Variants in SDK2 observed in about 807,000 individuals in gnomAD.
The protein encoded by SDK2 is protein sidekick-2.
A neutral mutation model predicts 253.9 loss-of-function variants in SDK2; 105 were observed. The observed-to-expected ratio is 0.41, with a 90% CI of 0.35 to 0.49. The LOEUF is 0.49. SDK2 is among the 20% of genes least tolerant of loss of function. The pLI, the probability that SDK2 is intolerant of heterozygous loss-of-function variation, is 0.06. For missense variants in SDK2, 2,608 were observed against 3,003.0 expected (o/e 0.87, Z 3.07); for synonymous variants, 1,249 against 1,234.9 (o/e 1.01, Z -0.24).
chr17:73,619,220 G>A (rs201905103), intron 1 of SDK2, among the ~76,000 whole-genome samples: 3 of 151,458 alleles, frequency 2.0e-5, no homozygotes, highest in Non-Finnish European at 4.4e-5. Context: ...GAACCAAAGT[G>A]GGCAGACACC....
At chr17:73,350,951 T>G (rs774203026) in intron 41 of SDK2, among the ~76,000 whole-genome samples, 161 bp from the exon 42 acceptor site, 3 of 152,162 alleles carry the variant, frequency 2.0e-5, no homozygotes, top group Non-Finnish European at 4.4e-5. Context: ...TCACCTCAAG[T>G]ATCCGCTCTG....
intron 1 of SDK2, among the ~76,000 whole-genome samples, chr17:73,598,939 A>C (rs1275438979): frequency 1.3e-5 from 2 of 152,262 alleles, no homozygotes; most frequent in African/African-American, 4.8e-5. Flanking sequence ...TTTTTCTTCA[A>C]GTAGTGGAAC....
At position 73,467,766 on chromosome 17, in the gene SDK2, C is replaced by T. The variant is rs2063612885; in HGVS notation, c.331+4346G>A. On this transcript the variant is annotated intron_variant, in intron 3 of 44. Coordinates refer to ENST00000392650, the MANE Select transcript of SDK2 (RefSeq NM_001144952.2). The surrounding 1 kb of genome is among the most constrained non-coding windows in gnomAD (Gnocchi z 4.1). ...CTTTTCTAACTTCCTGGCTTTAGGG[C>T]CCAAAGGGCTGTGGACTGTGGTTAC... Among the ~76,000 whole-genome samples the T allele has an allele frequency of 6.6e-6, 1 of 152,160 alleles. No homozygotes were observed. Among genetic ancestry groups the T allele is most frequent in the Non-Finnish European group, 1.5e-5 (1 of 68,032 alleles).
intron 17 of SDK2, among the ~76,000 whole-genome samples, 200 bp downstream of exon 17, chr17:73,415,611 A>G (rs2063173835): frequency 1.3e-5 from 2 of 152,064 alleles, no homozygotes; most frequent in Admixed American, 6.6e-5. Context: ...CCTCCTGAGT[A>G]GCTGTGCCAC....
In SDK2 at chr17:73,374,320, G is replaced by A. The variant is rs941942411; in HGVS notation, c.4980+4857C>T. ...GTCTCCCCTCGAATGTCCAACAGAC[G>A]TCTCAAACCAAACACATCTGGAACC... On this transcript the variant is annotated intron_variant, in intron 36 of 44. Coordinates refer to ENST00000392650, the MANE Select transcript of SDK2 (RefSeq NM_001144952.2). 2.8e-5 allele frequency among the ~76,000 whole-genome samples: 4 copies of A among 143,608 alleles called. 1 individual carries two copies. The highest frequency in any genetic ancestry group is 7.0e-5 in the Admixed American group (1 of 14,300). 94.2% of individuals were successfully genotyped at this position (143,608 alleles called of 152,430 possible).
At chr17:73,359,094 C>G (rs906891534) in intron 39 of SDK2, among the ~76,000 whole-genome samples, 4 of 152,100 alleles carry the variant, frequency 2.6e-5, no homozygotes, top group African/African-American at 9.7e-5. Flanking sequence ...AGGTGGGGCT[C>G]TGTACCCCCA....
At chr17:73,512,230 A>C (rs548577433) in intron 1 of SDK2, among the ~76,000 whole-genome samples, 29 of 152,292 alleles carry the variant, frequency 1.9e-4, no homozygotes, top group African/African-American at 6.3e-4. Flanking sequence ...TAAATACATT[A>C]ATAAATATAT....
At chr17:73,617,807 C>T (rs2046080642) in intron 1 of SDK2, among the ~76,000 whole-genome samples, 1 of 152,192 alleles carries the variant, frequency 6.6e-6, no homozygotes, top group African/African-American at 2.4e-5. Flanking sequence ...AACAGGACAT[C>T]ATAAGAGGGA....
At position 73,395,454 on chromosome 17, in the gene SDK2, A is replaced by C; in HGVS notation, c.3355-62T>G. 3 of 1,377,740 alleles carry C rather than the reference A, an allele frequency of 2.2e-6. No individual in the cohort carries two copies. Among genetic ancestry groups the C allele is most frequent in the Non-Finnish European group, 3.1e-6 (3 of 973,056 alleles). The allele number at this position is 1,377,740 out of a possible 1,614,324, so 85.3% of individuals were successfully genotyped here. ...CAGGCCCCCCACTGTGCAGGGAGGA[A>C]CTGCCCTGCTACCCTCTCCTCCAGG... is the stretch of plus-strand genomic sequence containing the variant. On this transcript the variant is annotated intron_variant, in intron 24 of 44. Transcript: ENST00000392650. This position sits in a 1 kb window ranked among gnomAD's most constrained non-coding sequence, Gnocchi z 4.3.
At chr17:73,578,500 C>T (rs1475691867) in intron 1 of SDK2, among the ~76,000 whole-genome samples, 1 of 152,150 alleles carries the variant, frequency 6.6e-6, no homozygotes, top group African/African-American at 2.4e-5. Flanking sequence ...GCTCACACAC[C>T]ACAGTGGTCC....
At chr17:73,509,116 T>C (rs2063957986) in intron 1 of SDK2, among the ~76,000 whole-genome samples, 1 of 152,126 alleles carries the variant, frequency 6.6e-6, no homozygotes, top group African/African-American at 2.4e-5. Flanking sequence ...TTCAGGCCAG[T>C]GGTGGGGGGT....
chr17:73,544,985 TTTCTTCCTTGGGCCTCCAC>T (rs1434839201), intron 1 of SDK2, among the ~76,000 whole-genome samples: 17 of 151,466 alleles, frequency 1.1e-4, no homozygotes. Context: ...GTCAAGGCTC[TTTCTTCCTTGGGCCTCCAC>T]TCCTTCTTCC....
At chr17:73,394,076 A>T (rs2145504882) in intron 26 of SDK2, 133 bp downstream of exon 26, 2 of 552,870 alleles carry the variant, frequency 3.6e-6, no homozygotes, top group South Asian at 4.7e-5. Context: ...ACCATTGGCT[A>T]GGACGCCAGG....
At position 73,431,353 on chromosome 17, in the gene SDK2, T is replaced by G; in HGVS notation, c.1480+149A>C. The G allele has an allele frequency of 1.4e-6, 1 of 707,460 alleles. No homozygotes were observed. Among genetic ancestry groups the G allele is most frequent in the East Asian group, 2.9e-5 (1 of 34,242 alleles). The allele number at this position is 707,460 out of a possible 1,614,324, so 43.8% of individuals were successfully genotyped here. On this transcript the variant is annotated intron_variant, in intron 11 of 44. Transcript: ENST00000392650. The surrounding 1 kb of genome is among the most constrained non-coding windows in gnomAD (Gnocchi z 5.6). ...AACCACTTTGTCACTGTCCCTCTGA[T>G]GAGAAGGGCCCTGACTGGGACAGAC...
chr17:73,471,157 C>G (rs77277319), intron 3 of SDK2, among the ~76,000 whole-genome samples: 3,402 of 152,300 alleles, frequency 0.022, 117 homozygotes, highest in African/African-American at 0.077. Context: ...TGCCCCCCAG[C>G]CTTTCTGGGA....
intron 40 of SDK2, among the ~76,000 whole-genome samples, chr17:73,353,989 C>A (rs796136450): frequency 6.6e-6 from 1 of 152,092 alleles, no homozygotes; most frequent in Non-Finnish European, 1.5e-5. Flanking sequence ...GTGTGAGCCA[C>A]CATGCCCGGT....
chr17:73,440,217 C>T (rs991945310), intron 6 of SDK2, among the ~76,000 whole-genome samples: 1 of 147,060 alleles, frequency 6.8e-6, no homozygotes, highest in African/African-American at 2.7e-5. Flanking sequence ...AAACGATTCT[C>T]CTGTCAGCCT....
intron 2 of SDK2, among the ~76,000 whole-genome samples, chr17:73,502,694 G>A (rs1344563619): frequency 6.6e-6 from 1 of 152,218 alleles, no homozygotes; most frequent in African/African-American, 2.4e-5. Flanking sequence ...AGGAATACAA[G>A]AAAATCTCCT....
Position 73,638,638 on chromosome 17 carries a change from G to A in SDK2, c.64+5387C>T, listed in dbSNP as rs1190968455. On this transcript the variant is annotated intron_variant, in intron 1 of 44. Coordinates refer to ENST00000392650, the MANE Select transcript of SDK2 (RefSeq NM_001144952.2). ...AATGCAGGGGGAGTGAGGAGATGAG[G>A]TGGGAGGGGAGGTTCATGTCTGGGG... Among the ~76,000 whole-genome samples, 8 of 151,976 alleles carry A rather than the reference G, an allele frequency of 5.3e-5. 1 individual carries two copies.
Sources: gnomAD v4.1 joint callset for allele counts (sites outside exome capture counted in the v4.1 genomes callset) on GRCh38, gnomAD v4.1.1 for gene constraint, Gnocchi (gnomAD v3.1) non-coding constraint, MANE v1.5 for transcripts, NCBI Gene and HGNC (gene_info 2026-07-23, HGNC 2026-07-21) for gene names.